ZNF217: variants seen among roughly 807,000 people sequenced by gnomAD.
The protein encoded by ZNF217 is zinc finger protein 217.
Under a neutral mutation model 73.3 loss-of-function variants are expected in ZNF217, and 12 were observed. The ratio of observed to expected loss-of-function variants is 0.16; its 90% CI spans 0.10 to 0.27. The LOEUF (loss-of-function observed/expected upper bound fraction) is 0.27. Ranked by LOEUF, ZNF217 falls within the 10% of genes least tolerant of loss-of-function variation. The pLI is 1.00. For missense variants in ZNF217, 1,195 were observed against 1,327.8 expected, an observed-to-expected ratio of 0.90 and a Z score of 1.55; for synonymous variants, 588 against 516.4, an observed-to-expected ratio of 1.14 and a Z score of -1.88.
intron 5 of ZNF217, among the ~76,000 whole-genome samples, chr20:53,571,149 A>T (rs913184258): frequency 1.3e-5 from 2 of 152,172 alleles, no homozygotes; most frequent in Non-Finnish European, 2.9e-5. Context: ...CCCTTACCTA[A>T]GCCCTCTGCT....
Position 53,578,323 on chromosome 20 carries a change from A to C in ZNF217, c.1483+11T>G, listed in dbSNP as rs751202707. On this transcript the variant is annotated intron_variant, in intron 3 of 5. Coordinates refer to ENST00000371471, the MANE Select transcript of ZNF217 (RefSeq NM_006526.3). ...AACTAATGCATGGTTAAAAAAATAA[A>C]AGTTCTTTACCTGTATGCGTTCTGA... 2.6e-6 allele frequency: 4 copies of C among 1,538,914 alleles called. No individual in the cohort carries two copies. Among genetic ancestry groups the C allele is most frequent in the East Asian group, 2.3e-5 (1 of 42,924 alleles).
upstream of ZNF217, among the ~76,000 whole-genome samples, chr20:53,595,406 CAAAA>C (rs1568695906): frequency 1.3e-5 from 2 of 151,906 alleles, no homozygotes; most frequent in African/African-American, 2.4e-5. Flanking sequence ...TTTCCTAAAT[CAAAA>C]GAAAGAACGC....
At chr20:53,585,244 G>A (rs2145967639) in intron 1 of ZNF217, among the ~76,000 whole-genome samples, 1 of 152,140 alleles carries the variant, frequency 6.6e-6, no homozygotes, top group Non-Finnish European at 1.5e-5. Flanking sequence ...AGAGACACCA[G>A]CTCTACAGTC....
In ZNF217 at chr20:53,569,088, A is replaced by T; in HGVS notation, c.*200T>A. 1 of 1,253,272 alleles carries T rather than the reference A, an allele frequency of 8.0e-7. No individual in the cohort carries two copies. Among genetic ancestry groups the T allele is most frequent in the Non-Finnish European group, 1.0e-6 (1 of 966,054 alleles). 77.6% of individuals were successfully genotyped at this position (1,253,272 alleles called of 1,614,324 possible). A position where few individuals can be genotyped will look rare whatever the true frequency, so the allele number is the denominator to read the frequency against. On this transcript the variant is annotated 3_prime_UTR_variant, in exon 6 of 6. Transcript: ENST00000371471. The stretch of plus-strand genomic sequence containing the variant: ...ACTGTTCCAACTAGTTTGTATTGCT[A>T]TTTGGTACAAAAGTTAACAGAACAA...
chr20:53,586,951 AG>A (rs1988717797), intron 1 of ZNF217, among the ~76,000 whole-genome samples: 1 of 152,276 alleles, frequency 6.6e-6, no homozygotes, highest in African/African-American at 2.4e-5. Context: ...AAATGCTTCT[AG>A]CTTGCAAGAA....
At chr20:53,572,628 A>C (rs1182529159) in intron 4 of ZNF217, 1 of 152,212 alleles carries the variant, frequency 6.6e-6, no homozygotes, top group Non-Finnish European at 1.5e-5. Flanking sequence ...TTAATTTGCT[A>C]TCTCTACTGA....
chr20:53,572,867 GAC>G lies in ZNF217; in HGVS notation c.3038-1016_3038-1015del, dbSNP rs1568679347. 2 of 152,162 alleles carry G rather than the reference GAC, an allele frequency of 1.3e-5. 1 individual carries two copies. The highest frequency in any genetic ancestry group is 2.9e-5 in the Non-Finnish European group (2 of 68,034). The allele number at this position is 152,162 out of a possible 1,614,324, so 9.4% of individuals were successfully genotyped here. ...TTTTTACACATACAGGTATGTGCCA[GAC>G]ACCTGTACGAAGTGACACCACCAGG... On this transcript the variant is annotated intron_variant, in intron 4 of 5. Coordinates refer to ENST00000371471, the MANE Select transcript of ZNF217 (RefSeq NM_006526.3).
chr20:53,592,882 G>C (rs2145986090), intron 1 of ZNF217, among the ~76,000 whole-genome samples: 1 of 151,140 alleles, frequency 6.6e-6, no homozygotes, highest in Middle Eastern at 3.4e-3. Context: ...CAGCACTTTT[G>C]GGCTAGCATT....
In ZNF217 at chr20:53,577,688, A is replaced by G. The variant is rs35261138; in HGVS notation, c.1484-408T>C. On this transcript the variant is annotated intron_variant, in intron 3 of 5. Coordinates refer to ENST00000371471, the MANE Select transcript of ZNF217 (RefSeq NM_006526.3). Reference sequence around the variant, plus strand: ...TCATAGCTCCTTTCACAATCTCAAGACTACTAAATAGATTCTCATTTCATT... The same window carrying G: ...TCATAGCTCCTTTCACAATCTCAAGGCTACTAAATAGATTCTCATTTCATT... Among the ~76,000 whole-genome samples, 987 of 152,346 alleles carry G rather than the reference A, an allele frequency of 6.5e-3. 49 individuals carry two copies. The highest frequency in any genetic ancestry group is 0.052 in the Admixed American group (796 of 15,296).
intron 3 of ZNF217, among the ~76,000 whole-genome samples, chr20:53,577,694 A>T (rs1988333637): frequency 6.6e-6 from 1 of 152,258 alleles, no homozygotes; most frequent in Non-Finnish European, 1.5e-5. Context: ...CAAGACTACT[A>T]AATAGATTCT....
chr20:53,572,570 A>C (rs1881578749), intron 4 of ZNF217: 1 of 152,250 alleles, frequency 6.6e-6, no homozygotes, highest in Admixed American at 6.5e-5. Flanking sequence ...TTACTATTTC[A>C]TCACAATTTT....
Position 53,581,626 on chromosome 20 carries a change from G to T in ZNF217, c.1201C>A (p.Arg401=). 6.2e-7 allele frequency: 1 copy of T among 1,614,208 alleles called. No individual in the cohort carries two copies. Among genetic ancestry groups the T allele is most frequent in the Non-Finnish European group, 8.5e-7 (1 of 1,180,026 alleles). The change falls in exon 2 of 6, where the codon CGG becomes AGG. Residue 401 remains arginine, a synonymous_variant. Transcript: ENST00000371471. The surrounding 1 kb of genome is among the most constrained non-coding windows in gnomAD (Gnocchi z 4.9). ...GTGGGCGACTCCGCGCCGGCCCTCC[G>T]GTCCTTCTTGTGGACCCTGGAGTGC... ...VLHSRVHKKD[R]RAGAESPTMS... is the part of the protein sequence containing the mutation.
Position 53,582,017 on chromosome 20 carries a change from G to A in ZNF217, c.810C>T (p.Asn270=). ...TTTCAGGGTGAGATTTTGGTCTCAA[G>A]TTGAACAACTGCAGGAAGTCCTCCC... The part of the protein sequence containing the change: ...SSREDFLQLF[N]LRPKSHPETG... Residue 270 remains asparagine (N), a synonymous_variant, in exon 2 of 6, where the codon AAC becomes AAT. Transcript: ENST00000371471. This position sits in a 1 kb window ranked among gnomAD's most constrained non-coding sequence, Gnocchi z 4.8. The A allele has an allele frequency of 6.2e-7, 1 of 1,614,236 alleles. No homozygotes were observed. The highest frequency in any genetic ancestry group is 1.1e-5 in the South Asian group (1 of 91,088).
At chr20:53,588,069 C>G (rs1261084184) in intron 1 of ZNF217, among the ~76,000 whole-genome samples, 5 of 152,014 alleles carry the variant, frequency 3.3e-5, no homozygotes, top group African/African-American at 1.2e-4. Context: ...AACTCTTCAA[C>G]TTGGGAAGCT....
chr20:53,595,837 A>T (rs549944521), upstream of ZNF217, among the ~76,000 whole-genome samples: 1 of 152,244 alleles, frequency 6.6e-6, no homozygotes, highest in Admixed American at 6.5e-5. Context: ...TAACTTTATG[A>T]AAACAAATGA....
At chr20:53,592,491 G>A (rs1988912907) in intron 1 of ZNF217, among the ~76,000 whole-genome samples, 1 of 151,984 alleles carries the variant, frequency 6.6e-6, no homozygotes, top group Non-Finnish European at 1.5e-5. Context: ...AAACCTGGCG[G>A]AAAACTCCCT....
rs1349832978 is a variant in ZNF217 at position 53,572,542 on chromosome 20, A to G, written c.3038-689T>C. The G allele has an allele frequency of 2.0e-5, 3 of 152,338 alleles. No individual in the cohort carries two copies. The East Asian group carries it at 5.8e-4, about 29-fold the overall frequency. The allele number at this position is 152,338 out of a possible 1,614,324, so 9.4% of individuals were successfully genotyped here. The stretch of plus-strand genomic sequence containing the variant: ...ATGGGGGGGGAAATGAAGATTTTTA[A>G]CCAAAAGGCAGTAAAAATTACTATT... On this transcript the variant is annotated intron_variant, in intron 4 of 5. Coordinates refer to ENST00000371471, the MANE Select transcript of ZNF217 (RefSeq NM_006526.3).
At chr20:53,578,473 T>C in intron 2 of ZNF217, 23 bp from the exon 3 acceptor site, 2 of 1,468,718 alleles carry the variant, frequency 1.4e-6, no homozygotes, top group Non-Finnish European at 9.3e-7. Flanking sequence ...ACAAAAATAT[T>C]TATATAAGAA....
chr20:53,574,294 T>G (rs1353718375), intron 4 of ZNF217: 1 of 152,166 alleles, frequency 6.6e-6, no homozygotes, highest in East Asian at 1.9e-4. Flanking sequence ...CTGACAACAT[T>G]TAACAGCAAA....
Sources: gnomAD v4.1 joint callset for allele counts (sites outside exome capture counted in the v4.1 genomes callset) on GRCh38, gnomAD v4.1.1 for gene constraint, Gnocchi (gnomAD v3.1) non-coding constraint, MANE v1.5 for transcripts, NCBI Gene and HGNC (gene_info 2026-07-23, HGNC 2026-07-21) for gene names.